Variants in YBX1 observed in about 807,000 individuals in gnomAD.
YBX1 encodes Y-box-binding protein 1.
YBX1 carries 3 observed loss-of-function variants against 41.4 expected under a neutral mutation model. The ratio of observed to expected loss-of-function variants is 0.07; its 90% CI spans 0.03 to 0.19. The LOEUF (loss-of-function observed/expected upper bound fraction) is 0.19, where lower values mean the gene tolerates loss of function less well. Among genes scored for constraint, YBX1 ranks in the 10% least tolerant of loss-of-function variants. YBX1 has a pLI of 1.00. For synonymous variants in YBX1, 133 were observed against 165.8 expected, an observed-to-expected ratio of 0.80 and a Z score of 1.52; for missense variants, 274 against 462.8, an observed-to-expected ratio of 0.59 and a Z score of 3.74.
chr1:42,685,183 G>T (rs187316407), intron 2 of YBX1, among the ~76,000 whole-genome samples: 1 of 152,230 alleles, frequency 6.6e-6, no homozygotes, highest in East Asian at 1.9e-4. Flanking sequence ...GACATTTTTT[G>T]AAATCAACAG....
At position 42,700,028 on chromosome 1, in the gene YBX1, A is replaced by G. The variant is rs112121217; in HGVS notation, c.741-753A>G. ...ATAAGATGGAAAGCCTAGTTTTTAG[A>G]AACTGGGAGAGTTGATTTAGAAGCC... On this transcript the variant is annotated intron_variant, in intron 6 of 7. Transcript: ENST00000321358. 4.8e-3 allele frequency among the ~76,000 whole-genome samples: 735 copies of G among 152,332 alleles called. 8 individuals carry two copies. The highest frequency in any genetic ancestry group is 0.017 in the African/African-American group (704 of 41,568).
In YBX1 at chr1:42,697,255, T is replaced by C. The variant is rs148903403; in HGVS notation, c.733T>C (p.Phe245Leu). 5.6e-6 allele frequency: 9 copies of C among 1,613,944 alleles called. No individual in the cohort carries two copies. The East Asian group carries it at 2.0e-4, about 36-fold the overall frequency. ...TATGTATCGGGGATATAGACCACGA[T>C]TCCGCAGGTATGGTCCACGTAAACA... ...QNMYRGYRPR[F>L]RRGPPRQRQP... Residue 245 changes from phenylalanine (F) to leucine (L), a missense_variant, in exon 6 of 8, where the codon TTC becomes CTC. Around this residue, in one of 3 missense-constraint regions of YBX1, gnomAD observed 187 missense variants for 306.3 expected, o/e 0.61. Transcript: ENST00000321358.
Position 42,697,273 on chromosome 1 carries a change from C to T in YBX1, c.740+11C>T, listed in dbSNP as rs763271007. The T allele has an allele frequency of 8.7e-6, 14 of 1,610,970 alleles. No individual in the cohort carries two copies. The East Asian group carries it at 8.9e-5, about 10-fold the overall frequency. ...ACCACGATTCCGCAGGTATGGTCCA[C>T]GTAAACATGTTTCTATTAAAATTTC... On this transcript the variant is annotated intron_variant, in intron 6 of 7. Transcript: ENST00000321358.
chr1:42,689,835 A>G (rs1422783775), intron 2 of YBX1, among the ~76,000 whole-genome samples: 1 of 152,194 alleles, frequency 6.6e-6, no homozygotes, highest in African/African-American at 2.4e-5. Context: ...GACCCTTACC[A>G]ATCTGGATAG....
At chr1:42,683,081 C>G (rs1211952652) in intron 1 of YBX1, 2 of 517,132 alleles carry the variant, frequency 3.9e-6, no homozygotes, top group Non-Finnish European at 7.3e-6. Context: ...CTCCCTTCCG[C>G]GTGTGCTCGG....
intron 2 of YBX1, among the ~76,000 whole-genome samples, chr1:42,692,658 C>T (rs1650367222): frequency 6.6e-6 from 1 of 152,218 alleles, no homozygotes; most frequent in Non-Finnish European, 1.5e-5. Flanking sequence ...AGAGCTACTA[C>T]TGAGCTTTTT....
intron 2 of YBX1, among the ~76,000 whole-genome samples, chr1:42,685,724 T>C (rs979121983): frequency 6.6e-6 from 1 of 152,236 alleles, no homozygotes; most frequent in Admixed American, 6.5e-5. Context: ...GGATTATATA[T>C]GCTAGGATTG....
chr1:42,683,168 C>T, intron 1 of YBX1: 1 of 657,274 alleles, frequency 1.5e-6, no homozygotes, highest in Non-Finnish European at 2.8e-6. Context: ...GGCCTGCGCA[C>T]ACACCCATCC....
At chr1:42,697,995 T>C (rs1335397566) in intron 6 of YBX1, among the ~76,000 whole-genome samples, 2 of 152,230 alleles carry the variant, frequency 1.3e-5, no homozygotes, top group Non-Finnish European at 2.9e-5. Flanking sequence ...CCCCAAAAGC[T>C]GACAGGTACC....
Position 42,703,265 on chromosome 1 carries a change from G to A in YBX1, c.*1316G>A, listed in dbSNP as rs1650649998. ...TCTAATGTTTTGTTAGATGTTCTTT[G>A]GCTTGCTTTGTGAAATAGTCATGTA... On this transcript the variant is annotated 3_prime_UTR_variant, in exon 8 of 8. Transcript: ENST00000321358. 6.6e-6 allele frequency among the ~76,000 whole-genome samples: 1 copy of A among 151,956 alleles called. No homozygotes were observed. Among genetic ancestry groups the A allele is most frequent in the South Asian group, 2.1e-4 (1 of 4,820 alleles).
Position 42,682,595 on chromosome 1 carries a change from G to GCCCGCCGCCCCC in YBX1, c.43_54dup (p.Pro15_Pro18dup), listed in dbSNP as rs1047241698. 12 of 1,451,484 alleles carry GCCCGCCGCCCCC rather than the reference G, an allele frequency of 8.3e-6. No individual in the cohort carries two copies. Among genetic ancestry groups the GCCCGCCGCCCCC allele is most frequent in the East Asian group, 3.0e-5 (1 of 32,992 alleles). The allele number at this position is 1,451,484 out of a possible 1,614,324, so 89.9% of individuals were successfully genotyped here. On this transcript the variant is annotated inframe_insertion, in exon 1 of 8. Transcript: ENST00000321358. ...GCAGCGAGGCCGAGACCCAGCAGCC[G>GCCCGCCGCCCCC]CCCGCCGCCCCCCCCGCCGCCCCCG...
chr1:42,684,988 A>G (rs1187522733), intron 2 of YBX1, among the ~76,000 whole-genome samples: 1 of 152,206 alleles, frequency 6.6e-6, no homozygotes, highest in East Asian at 1.9e-4. Flanking sequence ...TTTAACAGGA[A>G]TGATAATGGT....
Position 42,703,488 on chromosome 1 carries a change from T to A in YBX1, c.*1539T>A, listed in dbSNP as rs1408509148. On this transcript the variant is annotated 3_prime_UTR_variant, in exon 8 of 8. Transcript: ENST00000321358. ...AGAGACTACTCAAAAAAAATTTTTT[T>A]AACCCTACTTAGTGTAAATATCTGT... is the stretch of plus-strand genomic sequence containing the variant. Among the ~76,000 whole-genome samples, 1 of 152,048 alleles carries A rather than the reference T, an allele frequency of 6.6e-6. No homozygotes were observed. Among genetic ancestry groups the A allele is most frequent in the Non-Finnish European group, 1.5e-5 (1 of 68,008 alleles).
intron 3 of YBX1, among the ~76,000 whole-genome samples, chr1:42,695,174 G>T (rs1411492215): frequency 6.6e-6 from 1 of 152,112 alleles, no homozygotes; most frequent in African/African-American, 2.4e-5. Flanking sequence ...TTGTTTCTTG[G>T]GACTTTGGCT....
chr1:42,692,430 T>TTTA (rs1650363538), intron 2 of YBX1, among the ~76,000 whole-genome samples: 1 of 152,212 alleles, frequency 6.6e-6, no homozygotes, highest in South Asian at 2.1e-4. Context: ...TTAAGTCGCT[T>TTTA]TTACAGTTTA....
Position 42,696,852 on chromosome 1 carries a change from C to T in YBX1, c.565C>T (p.Arg189Cys), listed in dbSNP as rs1463059319. The change falls in exon 5 of 8, where the codon CGC becomes TGC. Residue 189 changes from arginine to cysteine, a missense_variant. Around this residue, in one of 3 missense-constraint regions of YBX1, gnomAD observed 187 missense variants for 306.3 expected, o/e 0.61. Coordinates refer to ENST00000321358, the MANE Select transcript of YBX1 (RefSeq NM_004559.5). This position sits in a 1 kb window ranked among gnomAD's most constrained non-coding sequence, Gnocchi z 5.7. ...CCAGGCCCAACAACGCCGGCCCTACCGCAGGCGAAGGTTCCCACCTTACTA... is the reference window on the plus strand; with the variant it reads ...CCAGGCCCAACAACGCCGGCCCTACTGCAGGCGAAGGTTCCCACCTTACTA... The part of the protein sequence containing the change: ...EGQAQQRRPY[R>C]RRRFPPYYMR... 9.3e-6 allele frequency: 15 copies of T among 1,610,148 alleles called. No individual in the cohort carries two copies. Among genetic ancestry groups the T allele is most frequent in the Non-Finnish European group, 1.3e-5 (15 of 1,177,724 alleles).
chr1:42,697,301 C>T, intron 6 of YBX1, 39 bp downstream of exon 6: 1 of 1,600,298 alleles, frequency 6.2e-7, no homozygotes, highest in South Asian at 1.1e-5. Context: ...AAAATTTCCT[C>T]AAACCCGTGT....
At chr1:42,700,689 G>A in intron 6 of YBX1, 92 bp from the exon 7 acceptor site, 1 of 1,214,832 alleles carries the variant, frequency 8.2e-7, no homozygotes, top group Non-Finnish European at 1.2e-6. Flanking sequence ...GGCCAGACAT[G>A]GTGAGTTAGT....
At chr1:42,692,411 T>C (rs1257995835) in intron 2 of YBX1, among the ~76,000 whole-genome samples, 4 of 152,218 alleles carry the variant, frequency 2.6e-5, no homozygotes, top group African/African-American at 9.6e-5. Flanking sequence ...CAGTTTTCAG[T>C]CACTTGCCTT....
Sources: allele counts gnomAD v4.1 joint callset (sites outside exome capture counted in the v4.1 genomes callset), GRCh38; gene constraint gnomAD v4.1.1; regional missense constraint gnomAD v4.1.1; non-coding constraint Gnocchi (gnomAD v3.1); transcripts MANE v1.5; gene names NCBI Gene and HGNC (gene_info 2026-07-23, HGNC 2026-07-21).